FRYL: variants seen among roughly 807,000 people sequenced by gnomAD.
FRYL encodes protein furry homolog-like.
Under a neutral mutation model 351.2 loss-of-function variants are expected in FRYL, and 150 were observed. That is an observed-to-expected ratio of 0.43 (90% CI 0.37 to 0.49). The LOEUF (loss-of-function observed/expected upper bound fraction) is 0.49, where lower values mean the gene tolerates loss of function less well. Among genes scored for constraint, FRYL ranks in the 20% least tolerant of loss-of-function variants. The pLI, the probability that FRYL is intolerant of heterozygous loss-of-function variation, is 0.00. For missense variants in FRYL, 3,036 were observed against 3,619.3 expected (o/e 0.84, Z 4.13); for synonymous variants, 1,153 against 1,257.1 (o/e 0.92, Z 1.75).
intron 2 of FRYL, among the ~76,000 whole-genome samples, chr4:48,690,541 C>G (rs1239845607): frequency 1.3e-5 from 2 of 152,074 alleles, no homozygotes; most frequent in Admixed American, 1.3e-4. Flanking sequence ...GAAGATGATA[C>G]GCCCACGAGA....
At chr4:48,531,737 G>A (rs1033447017) in intron 49 of FRYL, among the ~76,000 whole-genome samples, 3 of 152,144 alleles carry the variant, frequency 2.0e-5, no homozygotes, top group African/African-American at 7.2e-5. Context: ...TAAAATTTAA[G>A]TATTTTAAGT....
chr4:48,612,402 T>A (rs1189198538), intron 7 of FRYL, among the ~76,000 whole-genome samples: 1 of 152,136 alleles, frequency 6.6e-6, no homozygotes, highest in Non-Finnish European at 1.5e-5. Flanking sequence ...AGTTTTTTCC[T>A]CCCCTATACA....
intron 1 of FRYL, among the ~76,000 whole-genome samples, chr4:48,736,165 C>G (rs1412861660): frequency 6.6e-6 from 1 of 151,796 alleles, no homozygotes; most frequent in East Asian, 1.9e-4. Context: ...AATATTTTAA[C>G]CACAATGAAA....
At chr4:48,639,792 A>G (rs1465029932) in intron 3 of FRYL, among the ~76,000 whole-genome samples, 3 of 152,164 alleles carry the variant, frequency 2.0e-5, no homozygotes, top group Non-Finnish European at 4.4e-5. Context: ...AAAATACATA[A>G]AGAACTCTTA....
intron 1 of FRYL, among the ~76,000 whole-genome samples, chr4:48,773,563 G>A (rs1458982457): frequency 2.6e-5 from 4 of 152,012 alleles, no homozygotes. Context: ...TGAGTCTAAT[G>A]GTTTTCATAG....
intron 7 of FRYL, among the ~76,000 whole-genome samples, chr4:48,612,394 T>C (rs1287788193): frequency 6.6e-6 from 1 of 152,144 alleles, no homozygotes; most frequent in Non-Finnish European, 1.5e-5. Flanking sequence ...GAGCAAAAAG[T>C]TTTTTCCTCC....
intron 13 of FRYL, among the ~76,000 whole-genome samples, chr4:48,597,333 A>G (rs899023423): frequency 3.3e-5 from 5 of 152,194 alleles, no homozygotes; most frequent in Non-Finnish European, 5.9e-5. Context: ...TGGTAGATAC[A>G]TGTCATTATA....
chr4:48,615,248 T>C (rs1749183888), intron 7 of FRYL, among the ~76,000 whole-genome samples: 1 of 152,214 alleles, frequency 6.6e-6, no homozygotes, highest in Admixed American at 6.5e-5. Flanking sequence ...AGTGTAAACA[T>C]CACACATTAG....
intron 16 of FRYL, among the ~76,000 whole-genome samples, chr4:48,593,439 G>A (rs1161223114): frequency 6.6e-6 from 1 of 152,010 alleles, no homozygotes; most frequent in Non-Finnish European, 1.5e-5. Context: ...CTGCCTCCCA[G>A]GTTCAAGCGA....
At position 48,653,887 on chromosome 4, in the gene FRYL, T is replaced by G. The variant is rs2149441336; in HGVS notation, c.-80-19397A>C. ...GCCGTTCTGTCTCTCCAAGCCGCTG[T>G]CCCTTCTCTTCTCACAGGCAGCAGA... On this transcript the variant is annotated intron_variant, in intron 3 of 63. Coordinates refer to ENST00000358350, the MANE Select transcript of FRYL (RefSeq NM_015030.2). 6 of 1,267,066 alleles carry G rather than the reference T, an allele frequency of 4.7e-6. No individual in the cohort carries two copies. The South Asian group carries it at 6.5e-5, about 14-fold the overall frequency. The allele number at this position is 1,267,066 out of a possible 1,614,324, so 78.5% of individuals were successfully genotyped here. A position where few individuals can be genotyped will look rare whatever the true frequency, so the allele number is the denominator to read the frequency against.
intron 12 of FRYL, among the ~76,000 whole-genome samples, chr4:48,602,544 T>C (rs1318914430): frequency 6.6e-6 from 1 of 152,082 alleles, no homozygotes; most frequent in Non-Finnish European, 1.5e-5. Flanking sequence ...ATCACAAATA[T>C]CTTATAGGGT....
Position 48,534,674 on chromosome 4 carries a change from T to C in FRYL, c.6576A>G (p.Lys2192=). The C allele has an allele frequency of 2.6e-6, 4 of 1,543,196 alleles. No homozygotes were observed. Among genetic ancestry groups the C allele is most frequent in the Non-Finnish European group, 3.6e-6 (4 of 1,125,732 alleles). ...LVTYLAELLE[K]GLSSMQQSLL... is the part of the protein sequence containing the mutation. ...ATGATTGCTGCATACTGGACAATCC[T>C]TTCTCTAACAGCTAAAAATAATGTT... The change falls in exon 49 of 64, where the codon AAA becomes AAG. Residue 2192 remains lysine (K), a synonymous_variant. Transcript: ENST00000358350.
In FRYL at chr4:48,499,628, T is replaced by C; in HGVS notation, c.8836A>G (p.Thr2946Ala). The change falls in exon 64 of 64, where the codon ACA (threonine) becomes GCA (alanine). Residue 2946 changes from threonine (T) to alanine (A), a missense_variant. By Grantham distance (58) the Thr-to-Ala change is moderately conservative (BLOSUM62 0). This residue lies in a region of FRYL where 1,987 missense variants were observed against 2,311.7 expected (regional missense o/e 0.86). Coordinates refer to ENST00000358350, the MANE Select transcript of FRYL (RefSeq NM_015030.2). ...TGATGGAAATATATATGTAACAGTG[T>C]CTGTACAGGGTCATCTTCACAACTG... Reference protein sequence around the residue: ...FGSCEDDPVQTLLHIYFHHQT... With the variant: ...FGSCEDDPVQALLHIYFHHQT... The C allele has an allele frequency of 2.5e-6, 4 of 1,613,882 alleles. No individual in the cohort carries two copies. Among genetic ancestry groups the C allele is most frequent in the Non-Finnish European group, 3.4e-6 (4 of 1,179,748 alleles).
At chr4:48,733,971 A>G (rs1356863337) in intron 1 of FRYL, among the ~76,000 whole-genome samples, 2 of 152,208 alleles carry the variant, frequency 1.3e-5, no homozygotes, top group Non-Finnish European at 2.9e-5. Context: ...CACAAAAGGC[A>G]TAAAAAGAGT....
intron 59 of FRYL, chr4:48,506,660 A>ATATAT (rs1721098826): frequency 8.1e-6 from 1 of 123,164 alleles, no homozygotes; most frequent in Non-Finnish European, 1.7e-5. Context: ...ATATATATAT[A>ATATAT]TATATATATG....
intron 61 of FRYL, among the ~76,000 whole-genome samples, chr4:48,502,586 T>C (rs1016985134): frequency 5.9e-5 from 9 of 151,788 alleles, no homozygotes; most frequent in African/African-American, 1.7e-4. Flanking sequence ...TTTTTTAAAT[T>C]AAGAAATTTA....
At chr4:48,552,083 T>C (rs1215373294) in intron 36 of FRYL, among the ~76,000 whole-genome samples, 4 of 152,126 alleles carry the variant, frequency 2.6e-5, no homozygotes, top group African/African-American at 4.8e-5. Context: ...CATGTACTCC[T>C]GAAAGAGGAG....
intron 1 of FRYL, among the ~76,000 whole-genome samples, chr4:48,748,570 G>A (rs1772923136): frequency 6.6e-6 from 1 of 152,096 alleles, no homozygotes; most frequent in Admixed American, 6.5e-5. Context: ...AACTACATCA[G>A]TTATCCCTCC....
At chr4:48,555,743 G>A (rs563606898) in intron 35 of FRYL, among the ~76,000 whole-genome samples, 17 of 152,336 alleles carry the variant, frequency 1.1e-4, no homozygotes, top group African/African-American at 4.1e-4. Context: ...TACACCTACA[G>A]TTCTCTAAGC....
Sources: allele counts gnomAD v4.1 joint callset (sites outside exome capture counted in the v4.1 genomes callset), GRCh38; gene constraint gnomAD v4.1.1; regional missense constraint gnomAD v4.1.1; transcripts MANE v1.5; gene names NCBI Gene and HGNC (gene_info 2026-07-23, HGNC 2026-07-21).